The following KCNH2 variants were observed in gnomAD, a reference collection of about 807,000 sequenced individuals.
KCNH2 encodes the protein potassium voltage-gated channel subfamily H member 2.
In KCNH2, 35 loss-of-function variants were observed where a neutral mutation model predicts 95.9. That is an observed-to-expected ratio of 0.37 (90% CI 0.28 to 0.48). KCNH2 has a LOEUF of 0.48. KCNH2 is among the 20% of genes least tolerant of loss of function. KCNH2 has a pLI of 0.99. For synonymous variants in KCNH2, 786 were observed against 754.7 expected, an observed-to-expected ratio of 1.04 and a Z score of -0.68; for missense variants, 1,274 against 1,702.9, an observed-to-expected ratio of 0.75 and a Z score of 4.43.
intron 5 of KCNH2, chr7:150,955,781 G>A (rs1011373124): frequency 6.3e-5 from 76 of 1,198,524 alleles, no homozygotes; most frequent in Non-Finnish European, 7.7e-5. Flanking sequence ...CTGCCCGCCC[G>A]CCAGCCCAGC....
rs539146547 is a variant in KCNH2, at chr7:150,952,757, C to T, written c.1225G>A (p.Val409Met). The change falls in exon 6 of 15, where the codon GTG (valine) becomes ATG (methionine). Residue 409 changes from valine (V) to methionine (M), a missense_variant. Around this residue, in one of 7 missense-constraint regions of KCNH2, gnomAD observed 147 missense variants for 344.4 expected, o/e 0.43. Coordinates refer to ENST00000262186, the MANE Select transcript of KCNH2 (RefSeq NM_000238.4). The surrounding 1 kb of genome is among the most constrained non-coding windows in gnomAD (Gnocchi z 7.3). ...AGCAGCAGGATGAGCCAGTCCCACACGGCCTTGAAGGGGCTGTAATGCAGG... is the reference window on the plus strand; with the variant it reads ...AGCAGCAGGATGAGCCAGTCCCACATGGCCTTGAAGGGGCTGTAATGCAGG... ...TILHYSPFKA[V>M]WDWLILLLVI... The T allele has an allele frequency of 2.6e-5, 42 of 1,614,144 alleles. No individual in the cohort carries two copies. The highest frequency in any genetic ancestry group is 3.3e-4 in the Middle Eastern group (2 of 6,062).
rs771048971 is a variant in KCNH2, at chr7:150,955,464, G to A, written c.1128+1827C>T. 21 of 1,561,100 alleles carry A rather than the reference G, an allele frequency of 1.3e-5. No homozygotes were observed. In the Admixed American group the frequency reaches 3.0e-4, roughly 22 times the overall value. ...CGGCCTTTCTGGGCCCTGGGCCGCA[G>A]AGCCCCTGTCCTGCTCGCCTTCCCG... On this transcript the variant is annotated intron_variant, in intron 5 of 14. Transcript: ENST00000262186.
intron 2 of KCNH2, among the ~76,000 whole-genome samples, chr7:150,965,544 G>A (rs565822149): frequency 1.5e-3 from 227 of 152,202 alleles, no homozygotes; most frequent in Non-Finnish European, 2.1e-3. Context: ...GGGCAGTTGC[G>A]CCCCAGCTTC....
chr7:150,975,001 C>T lies in KCNH2; in HGVS notation c.77-60G>A, dbSNP rs1801945241. The T allele has an allele frequency of 3.5e-6, 5 of 1,423,500 alleles. No homozygotes were observed. The East Asian group carries it at 1.3e-4, about 36-fold the overall frequency. 88.2% of individuals were successfully genotyped at this position (1,423,500 alleles called of 1,614,324 possible). On this transcript the variant is annotated intron_variant, in intron 1 of 14. Transcript: ENST00000262186. Reference sequence around the variant, plus strand: ...GGACCCCAGCCTCCGGGACTCCCAGCCCTTCCCCACATTCTCCACTCACAC... The same window carrying T: ...GGACCCCAGCCTCCGGGACTCCCAGTCCTTCCCCACATTCTCCACTCACAC...
chr7:150,977,830 C>T lies in KCNH2; in HGVS notation c.76+8G>A, dbSNP rs755499118. On this transcript the variant is annotated splice_region_variant and intron_variant, in intron 1 of 14. Transcript: ENST00000262186. ...CCCCCTCCCCGCTCAGCCCCCTCCC[C>T]CACTCACTCTGGCCCTCAAACTTGC... 6.3e-7 allele frequency: 1 copy of T among 1,588,542 alleles called. No homozygotes were observed. The highest frequency in any genetic ancestry group is 8.6e-7 in the Non-Finnish European group (1 of 1,165,712).
rs569386944 is a variant in KCNH2, at chr7:150,947,269, C to T, written c.3152+59G>A. ...GCCCTCTCCCTCTACCAGACAACAC[C>T]GCCAGGACCTGGACCAGACTCCAGG... On this transcript the variant is annotated intron_variant, in intron 13 of 14. Transcript: ENST00000262186. The T allele has an allele frequency of 3.3e-5, 46 of 1,411,138 alleles. 1 individual carries two copies. The South Asian group carries it at 3.8e-4, about 12-fold the overall frequency. The allele number at this position is 1,411,138 out of a possible 1,614,324, so 87.4% of individuals were successfully genotyped here.
At position 150,945,452 on chromosome 7, in the gene KCNH2, G is replaced by A; in HGVS notation, c.3393C>T (p.Gly1131=). ...PPGAPELPQE[G]PTRRLSLPGQ... is the part of the protein sequence containing the mutation. The stretch of plus-strand genomic sequence containing the variant: ...CCGGTAGGGAGAGGCGTCGTGTGGG[G>A]CCTTCTTGGGGAAGCTCTGGGGCCC... Residue 1131 remains glycine (G), a synonymous_variant, in exon 15 of 15, where the codon GGC becomes GGT. Coordinates refer to ENST00000262186, the MANE Select transcript of KCNH2 (RefSeq NM_000238.4). This position sits in a 1 kb window ranked among gnomAD's most constrained non-coding sequence, Gnocchi z 5.6. 1 of 1,563,908 alleles carries A rather than the reference G, an allele frequency of 6.4e-7. No homozygotes were observed. Among genetic ancestry groups the A allele is most frequent in the Non-Finnish European group, 8.7e-7 (1 of 1,154,258 alleles).
At position 150,975,421 on chromosome 7, in the gene KCNH2, C is replaced by G. The variant is rs376708017; in HGVS notation, c.77-480G>C. ...CTGGGGGGCGCTCCCTGAGCCACTC[C>G]TTATCCTGAGGCTCCCTAGGAAATC... On this transcript the variant is annotated intron_variant, in intron 1 of 14. Coordinates refer to ENST00000262186, the MANE Select transcript of KCNH2 (RefSeq NM_000238.4). Among the ~76,000 whole-genome samples, 13 of 152,268 alleles carry G rather than the reference C, an allele frequency of 8.5e-5. No individual in the cohort carries two copies. The East Asian group carries it at 9.7e-4, about 11-fold the overall frequency.
At position 150,948,411 on chromosome 7, in the gene KCNH2, CGCCCTCCCCCTTCCT is replaced by C. The variant is rs1584846588; in HGVS notation, c.2692+18_2692+32del. Reference sequence around the variant, plus strand: ...CCAGCTCCCAGCCTCACCTTGTCCCCGCCCTCCCCCTTCCTCCCCTCCCCCGCCTCACCCTTGTCC... The same window carrying C: ...CCAGCTCCCAGCCTCACCTTGTCCCCCCCCTCCCCCGCCTCACCCTTGTCC... On this transcript the variant is annotated intron_variant, in intron 11 of 14. Transcript: ENST00000262186. 22 of 1,137,200 alleles carry C rather than the reference CGCCCTCCCCCTTCCT, an allele frequency of 1.9e-5. No homozygotes were observed. The highest frequency in any genetic ancestry group is 5.8e-5 in the Admixed American group (3 of 51,742). The allele number at this position is 1,137,200 out of a possible 1,614,324, so 70.4% of individuals were successfully genotyped here.
In KCNH2 at chr7:150,965,653, C is replaced by T. The variant is rs550643198; in HGVS notation, c.308-5917G>A. Among the ~76,000 whole-genome samples the T allele has an allele frequency of 1.8e-3, 267 of 152,276 alleles. 1 individual carries two copies. The highest frequency in any genetic ancestry group is 3.4e-3 in the Middle Eastern group (1 of 292). ...TCTAGAAAGGTTTCCTTGACTGCTC[C>T]GTCTGACCCACATGGACGCTGCTCT... On this transcript the variant is annotated intron_variant, in intron 2 of 14. Coordinates refer to ENST00000262186, the MANE Select transcript of KCNH2 (RefSeq NM_000238.4).
intron 2 of KCNH2, among the ~76,000 whole-genome samples, chr7:150,966,394 CACA>C (rs201403582): frequency 0.048 from 801 of 16,580 alleles, 22 homozygotes; most frequent in African/African-American, 0.088. Flanking sequence ...CCCCCCCCCA[CACA>C]CACACACACA....
intron 2 of KCNH2, among the ~76,000 whole-genome samples, chr7:150,965,032 G>C (rs948726344): frequency 1.3e-5 from 2 of 152,150 alleles, no homozygotes; most frequent in East Asian, 3.9e-4. Context: ...GAAGGAGGGA[G>C]AGAGACAGAG....
chr7:150,958,549 C>G (rs750922191), intron 3 of KCNH2, 47 bp from the exon 4 acceptor site: 2 of 1,450,344 alleles, frequency 1.4e-6, no homozygotes, highest in Non-Finnish European at 1.8e-6. Context: ...CGAGCAGCCC[C>G]GGAGCGGGCA....
chr7:150,954,051 G>A (rs1057156626), intron 5 of KCNH2, among the ~76,000 whole-genome samples: 3 of 152,222 alleles, frequency 2.0e-5, no homozygotes, highest in African/African-American at 7.2e-5. Flanking sequence ...AAGTCAAGAC[G>A]GGTCATAGTC....
chr7:150,976,204 C>A (rs1181226676), intron 1 of KCNH2, among the ~76,000 whole-genome samples: 1 of 152,156 alleles, frequency 6.6e-6, no homozygotes, highest in African/African-American at 2.4e-5. Flanking sequence ...CAGGTTGCAG[C>A]CCTAGGCAAT....
chr7:150,977,808 C>CGG, intron 1 of KCNH2, 30 bp downstream of exon 1: 1 of 1,184,466 alleles, frequency 8.4e-7, no homozygotes, highest in Non-Finnish European at 1.2e-6. Flanking sequence ...CCCAGAGCCC[C>CGG]CTCCCCGCTC....
intron 5 of KCNH2, chr7:150,955,374 G>A: frequency 6.5e-7 from 1 of 1,550,318 alleles, no homozygotes; most frequent in Non-Finnish European, 8.7e-7. Flanking sequence ...AGAAAGAAGA[G>A]GAAGGACCGG....
chr7:150,957,795 G>A (rs1382086076), intron 4 of KCNH2, among the ~76,000 whole-genome samples: 1 of 152,246 alleles, frequency 6.6e-6, no homozygotes, highest in Admixed American at 6.5e-5. Flanking sequence ...TCCTGCCCAG[G>A]GCATCCCTGC....
intron 2 of KCNH2, among the ~76,000 whole-genome samples, chr7:150,963,721 C>T (rs967506810): frequency 8.5e-5 from 13 of 152,284 alleles, no homozygotes; most frequent in South Asian, 6.2e-4. Context: ...CACCCATGGA[C>T]GCAACCATCC....
Sources: gnomAD v4.1 joint callset for allele counts (sites outside exome capture counted in the v4.1 genomes callset) on GRCh38, gnomAD v4.1.1 for gene constraint, gnomAD v4.1.1 regional missense constraint, Gnocchi (gnomAD v3.1) non-coding constraint, MANE v1.5 for transcripts, NCBI Gene and HGNC (gene_info 2026-07-23, HGNC 2026-07-21) for gene names.